ZNF565: variants seen among roughly 807,000 people sequenced by gnomAD.
The protein encoded by ZNF565 is zinc finger protein 565.
ZNF565 carries 27 observed loss-of-function variants against 39.4 expected under a neutral mutation model. That is an observed-to-expected ratio of 0.69 (90% CI 0.51 to 0.95). The LOEUF (loss-of-function observed/expected upper bound fraction) is 0.95. Among genes scored for constraint, ZNF565 ranks in the 40% least tolerant of loss-of-function variants. The pLI is 0.00. For synonymous variants in ZNF565, 185 were observed against 216.6 expected, an observed-to-expected ratio of 0.85 and a Z score of 1.28; for missense variants, 524 against 621.1, an observed-to-expected ratio of 0.84 and a Z score of 1.66.
upstream of ZNF565, among the ~76,000 whole-genome samples, chr19:36,217,754 C>T (rs1041246558): frequency 1.3e-4 from 19 of 151,924 alleles, no homozygotes; most frequent in African/African-American, 4.4e-4. Context: ...CGTGGCGGCA[C>T]ATGCCTGTTA....
Position 36,182,528 on chromosome 19 carries a change from ACT to A in ZNF565, c.1436_1437del (p.Glu479ValfsTer13), listed in dbSNP as rs761736965. The A allele has an allele frequency of 2.5e-6, 4 of 1,608,146 alleles. No individual in the cohort carries two copies. In the South Asian group the frequency reaches 3.3e-5, roughly 13 times the overall value. ...GAGCCAAGAATAAATGCCTGCCCACACTCTCTACATTCGTAAGGTTTGATACC... is the reference window on the plus strand; with the variant it reads ...GAGCCAAGAATAAATGCCTGCCCACACTCTACATTCGTAAGGTTTGATACC... Reference protein sequence around the residue: ...HPGIKPYECRECGQAFILGSQ... With the variant: ...HPGIKPYECRXCGQAFILGSQ... On this transcript the variant is annotated frameshift_variant, in exon 5 of 5. Coordinates refer to ENST00000304116, the MANE Select transcript of ZNF565 (RefSeq NM_152477.5). LOFTEE classifies it high-confidence loss of function.
In ZNF565 at chr19:36,183,058, CCT is replaced by C. The variant is rs1361845860; in HGVS notation, c.906_907del (p.Ala304GlnfsTer4). ...TTCTTTACACTCATAGGGTCTGGCC[CCT>C]GTGTGGATTCTCCGATGCACAGTGA... On this transcript the variant is annotated frameshift_variant, in exon 5 of 5. Coordinates refer to ENST00000304116, the MANE Select transcript of ZNF565 (RefSeq NM_152477.5). LOFTEE classifies it high-confidence loss of function. 2.5e-6 allele frequency: 4 copies of C among 1,614,166 alleles called. No individual in the cohort carries two copies. Among genetic ancestry groups the C allele is most frequent in the Non-Finnish European group, 3.4e-6 (4 of 1,180,036 alleles).
intron 1 of ZNF565, among the ~76,000 whole-genome samples, chr19:36,211,001 CA>C (rs58262673): frequency 1.2e-3 from 141 of 122,256 alleles, no homozygotes; most frequent in Non-Finnish European, 1.1e-3. Flanking sequence ...ATAATTTGAG[CA>C]AAAAAAAAAA....
chr19:36,229,200 C>T (rs1415252021), intron 1 of ZNF565, among the ~76,000 whole-genome samples: 1 of 152,212 alleles, frequency 6.6e-6, no homozygotes, highest in African/African-American at 2.4e-5. Context: ...TTCTCTCATC[C>T]TTTCTAGTGG....
chr19:36,196,808 A>C (rs958356092), intron 2 of ZNF565, among the ~76,000 whole-genome samples: 10 of 152,080 alleles, frequency 6.6e-5, no homozygotes, highest in Non-Finnish European at 1.2e-4. Context: ...TGGTAATTCC[A>C]GCACTTTGGG....
rs560582202 is a variant in ZNF565, at chr19:36,190,702, G to C, written c.232+3531C>G. On this transcript the variant is annotated intron_variant, in intron 4 of 4. Transcript: ENST00000304116. ...GGTCCTTGGAAGTGAAAGTGGGAAG[G>C]CCAGGTGCGGTGGCTCATGCCTGTA... 2.0e-5 allele frequency among the ~76,000 whole-genome samples: 3 copies of C among 152,142 alleles called. No individual in the cohort carries two copies. The East Asian group carries it at 5.8e-4, about 29-fold the overall frequency.
At chr19:36,190,861 G>T (rs1315743246) in intron 4 of ZNF565, among the ~76,000 whole-genome samples, 1 of 151,530 alleles carries the variant, frequency 6.6e-6, no homozygotes, top group African/African-American at 2.4e-5. Context: ...GCGTGGTGGC[G>T]CACTCCTGTA....
At chr19:36,190,816 A>C (rs1399921167) in intron 4 of ZNF565, among the ~76,000 whole-genome samples, 1 of 151,538 alleles carries the variant, frequency 6.6e-6, no homozygotes, top group Non-Finnish European at 1.5e-5. Context: ...ACATGGCGAA[A>C]TCCTGTCTCT....
At chr19:36,244,817 C>T (rs1164081368) in intron 1 of ZNF565, among the ~76,000 whole-genome samples, 1 of 149,494 alleles carries the variant, frequency 6.7e-6, no homozygotes, top group African/African-American at 2.5e-5. Context: ...TGCCACTGCC[C>T]TCCAGCCTGG....
chr19:36,210,160 C>G (rs932746794), intron 1 of ZNF565, among the ~76,000 whole-genome samples: 1 of 151,540 alleles, frequency 6.6e-6, no homozygotes, highest in East Asian at 1.9e-4. Flanking sequence ...GTGGCTTATG[C>G]CCGTAATCAC....
chr19:36,205,967 T>C (rs1976135890), intron 1 of ZNF565, among the ~76,000 whole-genome samples: 1 of 151,858 alleles, frequency 6.6e-6, no homozygotes, highest in Non-Finnish European at 1.5e-5. Flanking sequence ...GTTTTTTTTT[T>C]TTTCTTTTTT....
chr19:36,203,093 G>C (rs1048451036), intron 1 of ZNF565, among the ~76,000 whole-genome samples: 3 of 152,106 alleles, frequency 2.0e-5, no homozygotes, highest in Middle Eastern at 3.4e-3. Context: ...CCAGCACTTT[G>C]GGAGGCCAAG....
intron 4 of ZNF565, among the ~76,000 whole-genome samples, chr19:36,184,421 C>T (rs1257896470): frequency 6.6e-6 from 1 of 151,910 alleles, no homozygotes; most frequent in African/African-American, 2.4e-5. Flanking sequence ...ACTGCTACCA[C>T]ACCCAGCTAA....
chr19:36,226,228 T>C (rs1261427803), intron 1 of ZNF565, among the ~76,000 whole-genome samples: 1 of 152,232 alleles, frequency 6.6e-6, no homozygotes, highest in African/African-American at 2.4e-5. Context: ...ACACTCTGAA[T>C]GTATAGAGTC....
At chr19:36,199,112 T>C (rs1215943917) in intron 2 of ZNF565, among the ~76,000 whole-genome samples, 1 of 152,180 alleles carries the variant, frequency 6.6e-6, no homozygotes, top group Non-Finnish European at 1.5e-5. Flanking sequence ...GTGTAAAATC[T>C]TCAGGGTTTA....
At chr19:36,210,381 A>C (rs1490400631) in intron 1 of ZNF565, among the ~76,000 whole-genome samples, 1 of 142,778 alleles carries the variant, frequency 7.0e-6, no homozygotes, top group Non-Finnish European at 1.5e-5. Context: ...CCGAGATGGC[A>C]CCATTGCACT....
At chr19:36,200,692 T>C (rs1432984224) in intron 2 of ZNF565, among the ~76,000 whole-genome samples, 1 of 151,530 alleles carries the variant, frequency 6.6e-6, no homozygotes, top group Non-Finnish European at 1.5e-5. Context: ...TTTCACCATG[T>C]TGGCCAGGAT....
intron 1 of ZNF565, among the ~76,000 whole-genome samples, chr19:36,227,871 T>C (rs1020812200): frequency 5.3e-5 from 8 of 152,258 alleles, no homozygotes; most frequent in African/African-American, 1.7e-4. Context: ...ATCTCTAATA[T>C]GAAATAGGAC....
At chr19:36,217,943 G>GT (rs1976681418), upstream of ZNF565, among the ~76,000 whole-genome samples, 1 of 151,896 alleles carries the variant, frequency 6.6e-6, no homozygotes, top group East Asian at 1.9e-4. Flanking sequence ...GGCTGTTGGG[G>GT]TGGGGGTACT....
Sources: gnomAD v4.1 joint callset for allele counts (sites outside exome capture counted in the v4.1 genomes callset) on GRCh38, gnomAD v4.1.1 for gene constraint, MANE v1.5 for transcripts, NCBI Gene and HGNC (gene_info 2026-07-23, HGNC 2026-07-21) for gene names.